PHACTR3: variants seen among roughly 807,000 people sequenced by gnomAD.
PHACTR3 encodes protein phosphatase 1, regulatory subunit 123.
PHACTR3 carries 16 observed loss-of-function variants against 66.8 expected under a neutral mutation model. The ratio of observed to expected loss-of-function variants is 0.24; its 90% CI spans 0.16 to 0.36. PHACTR3 has a LOEUF of 0.36. Among genes scored for constraint, PHACTR3 ranks in the 10% least tolerant of loss-of-function variants. The pLI is 1.00. For synonymous variants in PHACTR3, 323 were observed against 292.1 expected (o/e 1.11, Z -1.08); for missense variants, 647 against 719.9 (o/e 0.90, Z 1.16).
chr20:59,713,323 C>T (rs1298687800), intron 1 of PHACTR3, among the ~76,000 whole-genome samples: 1 of 152,166 alleles, frequency 6.6e-6, no homozygotes, highest in African/African-American at 2.4e-5. Context: ...TTGCACAGAG[C>T]AGGTGTTCAA....
intron 1 of PHACTR3, among the ~76,000 whole-genome samples, chr20:59,579,077 T>C (rs977526673): frequency 2.6e-5 from 4 of 152,208 alleles, no homozygotes; most frequent in African/African-American, 9.6e-5. Context: ...ACCCCTGTTT[T>C]TGGCAGTGCA....
At chr20:59,708,572 G>A (rs1462978730) in intron 1 of PHACTR3, among the ~76,000 whole-genome samples, 3 of 152,164 alleles carry the variant, frequency 2.0e-5, no homozygotes, top group Non-Finnish European at 2.9e-5. Flanking sequence ...GAGCATTTGT[G>A]AGTCATAATA....
intron 8 of PHACTR3, among the ~76,000 whole-genome samples, chr20:59,821,336 C>T (rs1169030554): frequency 6.6e-6 from 1 of 152,198 alleles, no homozygotes; most frequent in African/African-American, 2.4e-5. Context: ...ACGCAGACTC[C>T]TCTTACCTTC....
At chr20:59,605,174 C>G in intron 1 of PHACTR3, 42 bp downstream of exon 1, 2 of 1,247,862 alleles carry the variant, frequency 1.6e-6, no homozygotes, top group Non-Finnish European at 2.1e-6. Context: ...CGGGGAGGCC[C>G]GAGGCAGGTG....
At position 59,829,506 on chromosome 20, in the gene PHACTR3, G is replaced by T. The variant is rs1184565698; in HGVS notation, c.1329-6999G>T. On this transcript the variant is annotated intron_variant, in intron 8 of 12. Coordinates refer to ENST00000371015, the MANE Select transcript of PHACTR3 (RefSeq NM_080672.5). The surrounding 1 kb of genome is among the most constrained non-coding windows in gnomAD (Gnocchi z 4.2). The stretch of plus-strand genomic sequence containing the variant: ...TGCCTGTCATCCGTGCACCCAGATG[G>T]TGTGCGCCTGGGGGCAAGCAGACGA... Among the ~76,000 whole-genome samples the T allele has an allele frequency of 6.6e-6, 1 of 152,218 alleles. No homozygotes were observed. The highest frequency in any genetic ancestry group is 1.5e-5 in the Non-Finnish European group (1 of 68,034).
chr20:59,595,203 C>T (rs2033291242), intron 1 of PHACTR3, among the ~76,000 whole-genome samples: 4 of 152,132 alleles, frequency 2.6e-5, no homozygotes, highest in African/African-American at 9.7e-5. Context: ...TGGCTCACAC[C>T]TGTAATACCA....
chr20:59,646,915 A>G (rs117104269), intron 1 of PHACTR3, among the ~76,000 whole-genome samples: 1,831 of 152,314 alleles, frequency 0.012, 17 homozygotes, highest in Middle Eastern at 0.051. Flanking sequence ...TGTGGGAGGA[A>G]GCCCAAGGTG....
At chr20:59,782,686 T>C (rs1244377588) in intron 7 of PHACTR3, among the ~76,000 whole-genome samples, 2 of 152,222 alleles carry the variant, frequency 1.3e-5, no homozygotes, top group Admixed American at 6.5e-5. Flanking sequence ...ATGAGACTTA[T>C]TCACTACCAC....
intron 1 of PHACTR3, among the ~76,000 whole-genome samples, chr20:59,677,765 G>A (rs1185310308): frequency 1.3e-5 from 2 of 152,124 alleles, no homozygotes; most frequent in Admixed American, 1.3e-4. Context: ...TCTTTGAGGA[G>A]GAATTACGGA....
intron 7 of PHACTR3, among the ~76,000 whole-genome samples, chr20:59,803,672 T>C (rs2041484391): frequency 6.6e-6 from 1 of 152,216 alleles, no homozygotes; most frequent in African/African-American, 2.4e-5. Context: ...AGGTACACAA[T>C]ATTCAGATGG....
chr20:59,827,844 C>T (rs575166868), intron 8 of PHACTR3, among the ~76,000 whole-genome samples: 9 of 152,274 alleles, frequency 5.9e-5, no homozygotes, highest in Middle Eastern at 3.4e-3. Flanking sequence ...CCAAGCTTGG[C>T]GGGGCTTCCT....
chr20:59,608,344 A>G lies in PHACTR3; in HGVS notation c.118+3212A>G, dbSNP rs11908405. ...CGTTAATGGGCCCGTCTGTATCTAC[A>G]CAATGTGCCTCTCTATAAATCCGCA... On this transcript the variant is annotated intron_variant, in intron 1 of 12. Transcript: ENST00000371015. Among the ~76,000 whole-genome samples the G allele has an allele frequency of 8.2e-3, 1,244 of 152,268 alleles. 23 individuals carry two copies. The highest frequency in any genetic ancestry group is 0.027 in the African/African-American group (1,125 of 41,538).
intron 3 of PHACTR3, among the ~76,000 whole-genome samples, chr20:59,753,577 C>A (rs550989831): frequency 2.0e-5 from 3 of 152,288 alleles, no homozygotes; most frequent in African/African-American, 7.2e-5. Context: ...TTGTCAGAAA[C>A]CATCACCAAC....
intron 7 of PHACTR3, among the ~76,000 whole-genome samples, chr20:59,779,331 T>A (rs1056921054): frequency 2.0e-5 from 3 of 152,222 alleles, no homozygotes; most frequent in Non-Finnish European, 4.4e-5. Context: ...ATATTGGTCA[T>A]ACAGAAAGTA....
chr20:59,744,682 A>G lies in PHACTR3; in HGVS notation c.280+1414A>G, dbSNP rs78000411. Among the ~76,000 whole-genome samples the G allele has an allele frequency of 6.2e-3, 944 of 152,246 alleles. 8 individuals are homozygous for G. The highest frequency in any genetic ancestry group is 0.022 in the African/African-American group (895 of 41,532). ...TGTGCTTTACAAAATTATTATTATT[A>G]TTTTTACCAACCAAGAAGTTGATAG... On this transcript the variant is annotated intron_variant, in intron 2 of 12. Coordinates refer to ENST00000371015, the MANE Select transcript of PHACTR3 (RefSeq NM_080672.5).
At chr20:59,664,757 C>A (rs2035928537) in intron 1 of PHACTR3, among the ~76,000 whole-genome samples, 1 of 152,224 alleles carries the variant, frequency 6.6e-6, no homozygotes, top group Non-Finnish European at 1.5e-5. Flanking sequence ...TCAAGTCTCA[C>A]CTCCACCCCT....
chr20:59,844,202 T>C (rs1337182105), intron 11 of PHACTR3: 1 of 152,120 alleles, frequency 6.6e-6, no homozygotes, highest in Non-Finnish European at 1.5e-5. Flanking sequence ...TGAACTTTTA[T>C]ATACTGTTGA....
intron 1 of PHACTR3, among the ~76,000 whole-genome samples, chr20:59,657,785 C>A (rs1299655414): frequency 6.6e-6 from 1 of 152,010 alleles, no homozygotes; most frequent in East Asian, 1.9e-4. Context: ...GGGTGCAGGT[C>A]TCTTTGCATT....
intron 1 of PHACTR3, among the ~76,000 whole-genome samples, chr20:59,583,638 G>A (rs2032926608): frequency 6.6e-6 from 1 of 152,216 alleles, no homozygotes; most frequent in South Asian, 2.1e-4. Context: ...CCTCTGATTC[G>A]GGATTTCTAC....
Sources: allele counts gnomAD v4.1 joint callset (sites outside exome capture counted in the v4.1 genomes callset), GRCh38; gene constraint gnomAD v4.1.1; non-coding constraint Gnocchi (gnomAD v3.1); transcripts MANE v1.5; gene names NCBI Gene and HGNC (gene_info 2026-07-23, HGNC 2026-07-21).